The following LRRC20 variants were observed in gnomAD, a reference collection of about 807,000 sequenced individuals.
The protein encoded by LRRC20 is leucine rich repeat containing 20, also known as leucine-rich repeat-containing protein 20.
A neutral mutation model predicts 14.4 loss-of-function variants in LRRC20; 11 were observed. The ratio of observed to expected loss-of-function variants is 0.77; its 90% CI spans 0.48 to 1.27. The LOEUF is 1.27. Among genes scored for constraint, LRRC20 ranks in the 50% most tolerant of loss-of-function variants. The pLI is 0.00. For synonymous variants in LRRC20, 121 were observed against 107.3 expected (o/e 1.13, Z -0.79); for missense variants, 219 against 251.2 (o/e 0.87, Z 0.87).
chr10:70,324,800 G>T (rs778047934), intron 3 of LRRC20, among the ~76,000 whole-genome samples: 3 of 152,200 alleles, frequency 2.0e-5, no homozygotes, highest in Non-Finnish European at 4.4e-5. Flanking sequence ...ACAGCCCAGG[G>T]CTGATGGGAG....
chr10:70,338,253 T>A (rs946812903), intron 3 of LRRC20, among the ~76,000 whole-genome samples: 6 of 152,162 alleles, frequency 3.9e-5, no homozygotes, highest in Admixed American at 2.0e-4. Context: ...TGTAGCTCCC[T>A]CCTGAGCCAC....
At chr10:70,343,987 C>G (rs1842996813) in intron 2 of LRRC20, among the ~76,000 whole-genome samples, 1 of 152,056 alleles carries the variant, frequency 6.6e-6, no homozygotes, top group Admixed American at 6.6e-5. Flanking sequence ...TTGCTTGAGC[C>G]CAGGAGTTTG....
At chr10:70,313,470 A>G (rs1841743726) in intron 4 of LRRC20, among the ~76,000 whole-genome samples, 1 of 152,094 alleles carries the variant, frequency 6.6e-6, no homozygotes, top group African/African-American at 2.4e-5. Context: ...TGCACACTGG[A>G]ATCATCTGGA....
chr10:70,320,093 A>G (rs1842018632), intron 4 of LRRC20, among the ~76,000 whole-genome samples: 1 of 152,212 alleles, frequency 6.6e-6, no homozygotes, highest in South Asian at 2.1e-4. Flanking sequence ...GACTGAGAGC[A>G]CGGGCCATGC....
chr10:70,320,163 G>A (rs1385931800), intron 4 of LRRC20, among the ~76,000 whole-genome samples: 1 of 152,212 alleles, frequency 6.6e-6, no homozygotes, highest in African/African-American at 2.4e-5. Context: ...TGGGGCATGA[G>A]CTAGGGAGGA....
chr10:70,381,070 G>A (rs925421220), intron 1 of LRRC20, among the ~76,000 whole-genome samples: 1 of 152,248 alleles, frequency 6.6e-6, no homozygotes, highest in African/African-American at 2.4e-5. Flanking sequence ...CCTCTTACAA[G>A]GCTGTCCTCT....
At chr10:70,336,987 G>T (rs1842742252) in intron 3 of LRRC20, among the ~76,000 whole-genome samples, 2 of 152,202 alleles carry the variant, frequency 1.3e-5, no homozygotes, top group South Asian at 4.1e-4. Flanking sequence ...TGTGCCCTTG[G>T]CTTTCTCATG....
chr10:70,382,290 C>G (rs1458872434), intron 1 of LRRC20, among the ~76,000 whole-genome samples: 1 of 152,252 alleles, frequency 6.6e-6, no homozygotes, highest in Non-Finnish European at 1.5e-5. Flanking sequence ...ACCCACTCCC[C>G]TGAACCATCG....
intron 2 of LRRC20, among the ~76,000 whole-genome samples, chr10:70,343,100 T>C (rs1210067984): frequency 6.6e-6 from 1 of 152,234 alleles, no homozygotes; most frequent in African/African-American, 2.4e-5. Context: ...CCTCACAGAA[T>C]TTCCAAGACC....
At chr10:70,371,035 A>C (rs1213230539) in intron 2 of LRRC20, among the ~76,000 whole-genome samples, 1 of 152,238 alleles carries the variant, frequency 6.6e-6, no homozygotes, top group Non-Finnish European at 1.5e-5. Flanking sequence ...TGATTAAAGA[A>C]ATAAAAAATA....
intron 3 of LRRC20, among the ~76,000 whole-genome samples, chr10:70,328,842 C>T (rs1306314449): frequency 6.6e-6 from 1 of 152,122 alleles, no homozygotes; most frequent in Non-Finnish European, 1.5e-5. Flanking sequence ...TACCTGAACC[C>T]GGGAGGCGGA....
chr10:70,358,545 A>AAGC (rs1843611634), intron 2 of LRRC20, among the ~76,000 whole-genome samples: 1 of 152,216 alleles, frequency 6.6e-6, no homozygotes, highest in South Asian at 2.1e-4. Context: ...GGGACCCAGG[A>AAGC]AGCAGCAACA....
intron 2 of LRRC20, among the ~76,000 whole-genome samples, chr10:70,343,980 C>T (rs984545861): frequency 1.3e-5 from 2 of 152,180 alleles, no homozygotes; most frequent in East Asian, 1.9e-4. Flanking sequence ...GGAAGGATTG[C>T]TTGAGCCCAG....
intron 3 of LRRC20, among the ~76,000 whole-genome samples, chr10:70,334,106 T>A (rs1842632695): frequency 6.6e-6 from 1 of 150,894 alleles, no homozygotes. Context: ...GCAGAGATAG[T>A]GCCACTGCAC....
chr10:70,326,303 C>CAT (rs1842319688), intron 3 of LRRC20, among the ~76,000 whole-genome samples: 1 of 149,418 alleles, frequency 6.7e-6, no homozygotes, highest in African/African-American at 2.5e-5. Context: ...TGTGTACACA[C>CAT]ACACACACAC....
chr10:70,302,113 A>G (rs1006428445), intron 4 of LRRC20, among the ~76,000 whole-genome samples: 3 of 152,108 alleles, frequency 2.0e-5, no homozygotes, highest in Non-Finnish European at 1.5e-5. Context: ...GGATTTCAAG[A>G]CCTGCCTGGC....
intron 2 of LRRC20, among the ~76,000 whole-genome samples, chr10:70,347,871 C>T (rs1024435208): frequency 6.6e-6 from 1 of 151,278 alleles, no homozygotes; most frequent in Non-Finnish European, 1.5e-5. Flanking sequence ...AAGCAACATA[C>T]AAGCCCTCTG....
intron 2 of LRRC20, among the ~76,000 whole-genome samples, chr10:70,359,799 CT>C (rs775555120): frequency 1.4e-4 from 22 of 152,226 alleles, no homozygotes; most frequent in Non-Finnish European, 2.8e-4. Flanking sequence ...CTCGTCAACA[CT>C]GTATTTCAAG....
rs377219055 is a variant in LRRC20 at position 70,340,751 on chromosome 10, C to T, written c.83-49G>A. 1.8e-5 allele frequency: 29 copies of T among 1,602,580 alleles called. No homozygotes were observed. In the African/African-American group the frequency reaches 2.0e-4, roughly 11 times the overall value. On this transcript the variant is annotated intron_variant, in intron 2 of 4. Coordinates refer to ENST00000446961, the MANE Select transcript of LRRC20 (RefSeq NM_001278212.2). ...ACCAGAGTTATCAGCCACAGCTGCC[C>T]GAGAACTTGTCCCAGACTCACACAG... is the stretch of plus-strand genomic sequence containing the variant.
Sources: allele counts gnomAD v4.1 joint callset (sites outside exome capture counted in the v4.1 genomes callset), GRCh38; gene constraint gnomAD v4.1.1; transcripts MANE v1.5; gene names NCBI Gene and HGNC (gene_info 2026-07-23, HGNC 2026-07-21).